PNPLA7: variants seen among roughly 807,000 people sequenced by gnomAD.
The protein encoded by PNPLA7 is patatin like domain 7, lysophospholipase.
PNPLA7 carries 153 observed loss-of-function variants against 161.7 expected under a neutral mutation model. The observed-to-expected ratio is 0.95, with a 90% CI of 0.83 to 1.08. PNPLA7 has a LOEUF of 1.08. PNPLA7 is among the 50% of genes least tolerant of loss of function. The probability of loss-of-function intolerance (pLI) is 0.00; values close to 1 mark genes in which losing one functional copy is unlikely to be tolerated. For synonymous variants in PNPLA7, 809 were observed against 782.1 expected (o/e 1.03, Z -0.57); for missense variants, 1,739 against 1,856.6 (o/e 0.94, Z 1.16).
rs1158703050 is a variant in PNPLA7 at position 137,460,256 on chromosome 9, C to T, written c.*137G>A. On this transcript the variant is annotated 3_prime_UTR_variant, in exon 35 of 35. Coordinates refer to ENST00000406427, the MANE Select transcript of PNPLA7 (RefSeq NM_001098537.3). ...GTACAAAGAAGAGGCCCAGAGAACC[C>T]TAACACAGCCTGGGGCCCCGGGGAA... is the stretch of plus-strand genomic sequence containing the variant. 30 of 795,494 alleles carry T rather than the reference C, an allele frequency of 3.8e-5. 1 individual carries two copies. The East Asian group carries it at 8.1e-4, about 22-fold the overall frequency. 49.3% of individuals were successfully genotyped at this position (795,494 alleles called of 1,614,324 possible).
intron 21 of PNPLA7, among the ~76,000 whole-genome samples, chr9:137,483,746 C>T (rs1192993940): frequency 6.6e-6 from 1 of 152,114 alleles, no homozygotes; most frequent in East Asian, 1.9e-4. Flanking sequence ...CATGAGCCAC[C>T]GCACGTGGCT....
At chr9:137,501,355 C>T (rs1255983686) in intron 15 of PNPLA7, among the ~76,000 whole-genome samples, 3 of 152,240 alleles carry the variant, frequency 2.0e-5, no homozygotes, top group Non-Finnish European at 4.4e-5. Context: ...AAGGCCACTT[C>T]CACTGATCTG....
At chr9:137,487,287 C>T (rs1369906771) in intron 20 of PNPLA7, among the ~76,000 whole-genome samples, 1 of 152,258 alleles carries the variant, frequency 6.6e-6, no homozygotes, top group Non-Finnish European at 1.5e-5. Context: ...GACCAAGCAG[C>T]GCTGGAGACG....
At chr9:137,546,703 A>C in intron 4 of PNPLA7, 127 bp downstream of exon 4, 1 of 768,162 alleles carries the variant, frequency 1.3e-6, no homozygotes, top group African/African-American at 1.7e-5. Context: ...AGAGCTGGGA[A>C]GCTGGGGAGA....
chr9:137,527,313 A>C (rs116303132), intron 8 of PNPLA7, among the ~76,000 whole-genome samples: 1,807 of 150,916 alleles, frequency 0.012, 37 homozygotes, highest in African/African-American at 0.041. Flanking sequence ...AAAAAAACCC[A>C]CACACACACT....
intron 26 of PNPLA7, among the ~76,000 whole-genome samples, chr9:137,466,893 A>C (rs1490445159): frequency 1.4e-3 from 108 of 79,424 alleles, no homozygotes; most frequent in Non-Finnish European, 1.8e-3. Flanking sequence ...GTCTCCACCA[A>C]CTCAGACCCG....
intron 14 of PNPLA7, among the ~76,000 whole-genome samples, chr9:137,504,174 AGAAG>A (rs985410911): frequency 6.7e-6 from 1 of 149,838 alleles, no homozygotes; most frequent in African/African-American, 2.5e-5. Context: ...AGACGGAAGA[AGAAG>A]GAAGAAGGAA....
chr9:137,462,500 T>C, intron 30 of PNPLA7, 169 bp from the exon 31 acceptor site: 1 of 1,386,992 alleles, frequency 7.2e-7, no homozygotes. Context: ...TGCCACAGCC[T>C]TCAGGCCCGT....
In PNPLA7 at chr9:137,468,059, G is replaced by A. The variant is rs1043031062; in HGVS notation, c.2883-586C>T. Among the ~76,000 whole-genome samples, 1 of 152,084 alleles carries A rather than the reference G, an allele frequency of 6.6e-6. No homozygotes were observed. Among genetic ancestry groups the A allele is most frequent in the African/African-American group, 2.4e-5 (1 of 41,400 alleles). ...GCTGCCTCCAGCAGGGCGTCTGAGAGGTGGTGGGAAAACTGGACTTGAGGG... is the reference window on the plus strand; with the variant it reads ...GCTGCCTCCAGCAGGGCGTCTGAGAAGTGGTGGGAAAACTGGACTTGAGGG... On this transcript the variant is annotated intron_variant, in intron 25 of 34. Transcript: ENST00000406427. The surrounding 1 kb of genome is among the most constrained non-coding windows in gnomAD (Gnocchi z 4.0).
intron 14 of PNPLA7, among the ~76,000 whole-genome samples, chr9:137,503,354 C>T (rs558757460): frequency 6.6e-6 from 1 of 150,740 alleles, no homozygotes; most frequent in African/African-American, 2.4e-5. Context: ...GCACTCCAGG[C>T]TGGATGACAA....
chr9:137,494,698 C>T (rs1381748429), intron 19 of PNPLA7, among the ~76,000 whole-genome samples: 1 of 140,330 alleles, frequency 7.1e-6, no homozygotes, highest in East Asian at 2.2e-4. Context: ...TGACCTCATC[C>T]ACTCTGTGCC....
At chr9:137,501,572 G>A (rs1833418074) in intron 15 of PNPLA7, 78 bp downstream of exon 15, 1 of 1,394,454 alleles carries the variant, frequency 7.2e-7, no homozygotes, top group Admixed American at 2.0e-5. Context: ...TCCAGTCCAG[G>A]CCCTCCTCTG....
At chr9:137,463,735 C>T (rs1410234778) in intron 28 of PNPLA7, among the ~76,000 whole-genome samples, 3 of 152,096 alleles carry the variant, frequency 2.0e-5, no homozygotes, top group Non-Finnish European at 2.9e-5. Flanking sequence ...CCCAGGACTT[C>T]GAACTGCTGT....
At chr9:137,539,188 C>T (rs1338530566) in intron 8 of PNPLA7, among the ~76,000 whole-genome samples, 1 of 151,990 alleles carries the variant, frequency 6.6e-6, no homozygotes, top group Admixed American at 6.6e-5. Flanking sequence ...ACTAAAAATA[C>T]AAAAATTAGC....
intron 20 of PNPLA7, among the ~76,000 whole-genome samples, chr9:137,489,697 C>T (rs1452249689): frequency 2.0e-5 from 3 of 152,024 alleles, no homozygotes; most frequent in Admixed American, 1.3e-4. Flanking sequence ...AACCAAAACA[C>T]GATGACAGAA....
At chr9:137,518,794 A>G (rs1417378888) in intron 11 of PNPLA7, among the ~76,000 whole-genome samples, 7 of 28,576 alleles carry the variant, frequency 2.4e-4, no homozygotes, top group East Asian at 1.5e-3. Flanking sequence ...CCACTCACTC[A>G]CTCCACTCTG....
chr9:137,464,371 A>G lies in PNPLA7; in HGVS notation c.3125T>C (p.Ile1042Thr). The G allele has an allele frequency of 6.2e-7, 1 of 1,613,766 alleles. No homozygotes were observed. The highest frequency in any genetic ancestry group is 8.5e-7 in the Non-Finnish European group (1 of 1,179,960). Residue 1042 changes from isoleucine to threonine, a missense_variant, in exon 27 of 35, where the codon ATC becomes ACC. Physicochemically the swap from Ile to Thr is moderately conservative, Grantham distance 89. Coordinates refer to ENST00000406427, the MANE Select transcript of PNPLA7 (RefSeq NM_001098537.3). ...MFSGAGFNSS[I>T]FSVFKDQQIE... ...CTGCTGGTCCTTGAAGACGCTGAAG[A>G]TGCTGCTGTTGAAGCCGGCTCCGGA...
At chr9:137,462,125 C>A in intron 31 of PNPLA7, 54 bp downstream of exon 31, 1 of 1,525,116 alleles carries the variant, frequency 6.6e-7, no homozygotes, top group Non-Finnish European at 8.8e-7. Flanking sequence ...CGAGGAGGGG[C>A]AGCCACCAGA....
At chr9:137,479,524 C>T (rs1315719505) in intron 23 of PNPLA7, 47 of 1,155,242 alleles carry the variant, frequency 4.1e-5, no homozygotes, top group Non-Finnish European at 5.0e-5. Context: ...GCAACCTTTC[C>T]AAATGAGGTA....
Sources: gnomAD v4.1 joint callset for allele counts (sites outside exome capture counted in the v4.1 genomes callset) on GRCh38, gnomAD v4.1.1 for gene constraint, Gnocchi (gnomAD v3.1) non-coding constraint, MANE v1.5 for transcripts, NCBI Gene and HGNC (gene_info 2026-07-23, HGNC 2026-07-21) for gene names.